Variants in SERPINE2 observed in about 807,000 individuals in gnomAD.
SERPINE2 encodes glia-derived nexin.
SERPINE2 carries 14 observed loss-of-function variants against 36.3 expected under a neutral mutation model. That is an observed-to-expected ratio of 0.39 (90% confidence interval 0.25 to 0.60). SERPINE2 has a LOEUF of 0.60. Ranked by LOEUF, SERPINE2 falls within the 20% of genes least tolerant of loss-of-function variation. SERPINE2 has a pLI of 0.57. For missense variants in SERPINE2, 418 were observed against 499.6 expected (o/e 0.84, Z 1.56); for synonymous variants, 192 against 191.8 (o/e 1.00, Z -0.01).
intron 1 of SERPINE2, among the ~76,000 whole-genome samples, chr2:224,029,834 G>T (rs1692299915): frequency 6.6e-6 from 1 of 152,198 alleles, no homozygotes; most frequent in Admixed American, 6.5e-5. Flanking sequence ...AAGTAGCTGG[G>T]ATTACGGGCG....
intron 1 of SERPINE2, among the ~76,000 whole-genome samples, chr2:224,004,133 G>A (rs1691299953): frequency 6.6e-6 from 1 of 152,156 alleles, no homozygotes; most frequent in Admixed American, 6.5e-5. Context: ...CATCACAACA[G>A]CGTTTATGGA....
intron 3 of SERPINE2, among the ~76,000 whole-genome samples, chr2:223,993,446 CTGTA>C (rs148133517): frequency 0.15 from 23,130 of 151,778 alleles, 2,253 homozygotes; most frequent in Non-Finnish European, 0.21. Flanking sequence ...GTGTGTGTGT[CTGTA>C]TGTATGTGTG....
chr2:224,022,917 T>C (rs547427939), intron 1 of SERPINE2, among the ~76,000 whole-genome samples: 2 of 152,342 alleles, frequency 1.3e-5, no homozygotes, highest in Admixed American at 6.5e-5. Flanking sequence ...GATGGTTTTA[T>C]AAGTGTCTGG....
At chr2:224,027,468 C>T (rs1692223810) in intron 1 of SERPINE2, among the ~76,000 whole-genome samples, 1 of 152,214 alleles carries the variant, frequency 6.6e-6, no homozygotes. Context: ...TCAGTCCACA[C>T]TGACCACTGC....
At chr2:224,037,810 T>TTTTG (rs1427220283) in intron 1 of SERPINE2, among the ~76,000 whole-genome samples, 1 of 152,220 alleles carries the variant, frequency 6.6e-6, no homozygotes, top group African/African-American at 2.4e-5. Flanking sequence ...ATAGATTCAT[T>TTTTG]TTTGTTTTTA....
intron 7 of SERPINE2, chr2:223,978,298 G>A (rs1690089631): frequency 6.6e-6 from 1 of 152,578 alleles, no homozygotes; most frequent in South Asian, 2.1e-4. Flanking sequence ...CAAAGTGCGG[G>A]CATTACAGGC....
intron 2 of SERPINE2, among the ~76,000 whole-genome samples, chr2:223,999,489 G>A (rs1397954545): frequency 6.6e-6 from 1 of 152,120 alleles, no homozygotes; most frequent in Non-Finnish European, 1.5e-5. Flanking sequence ...GGGGGAGGGG[G>A]GCAGTCTTCT....
At chr2:224,000,691 T>C (rs6742620) in intron 2 of SERPINE2, among the ~76,000 whole-genome samples, 67,148 of 151,712 alleles carry the variant, frequency 0.44, 17,921 homozygotes, top group African/African-American at 0.76. Flanking sequence ...CCCCTTGCCT[T>C]CCACCCCTCG....
At chr2:224,002,811 A>T (rs986412107) in intron 1 of SERPINE2, among the ~76,000 whole-genome samples, 1 of 151,928 alleles carries the variant, frequency 6.6e-6, no homozygotes, top group Non-Finnish European at 1.5e-5. Context: ...TTTAATTCTC[A>T]TAAGTGCCCT....
intron 1 of SERPINE2, among the ~76,000 whole-genome samples, chr2:224,022,240 G>T (rs1227988221): frequency 1.3e-5 from 2 of 150,856 alleles, no homozygotes; most frequent in Non-Finnish European, 2.9e-5. Context: ...GCTGAGGTGG[G>T]AGAATCACTT....
chr2:224,029,785 G>A (rs1408514299), intron 1 of SERPINE2, among the ~76,000 whole-genome samples: 2 of 152,178 alleles, frequency 1.3e-5, no homozygotes, highest in East Asian at 1.9e-4. Context: ...TGCAACTTCC[G>A]CCTCCGGGGT....
At chr2:223,991,607 G>T (rs62185746) in intron 4 of SERPINE2, among the ~76,000 whole-genome samples, 196 bp downstream of exon 4, 3,367 of 152,240 alleles carry the variant, frequency 0.022, 47 homozygotes, top group Non-Finnish European at 0.037. Flanking sequence ...TGCATATTAT[G>T]CTATGCATGG....
At chr2:223,992,149 C>T in intron 3 of SERPINE2, 149 bp from the exon 4 acceptor site, 1 of 661,170 alleles carries the variant, frequency 1.5e-6, no homozygotes, top group Non-Finnish European at 2.6e-6. Context: ...CCCTTTTGTA[C>T]TTTCTAGGTT....
intron 1 of SERPINE2, among the ~76,000 whole-genome samples, chr2:224,025,872 G>C (rs539946395): frequency 6.6e-6 from 1 of 152,342 alleles, no homozygotes; most frequent in East Asian, 1.9e-4. Context: ...TACTTTTAAA[G>C]TGACCTTCAA....
intron 4 of SERPINE2, among the ~76,000 whole-genome samples, chr2:223,986,132 AAAGATACC>A (rs1690420389): frequency 1.3e-5 from 2 of 152,328 alleles, no homozygotes; most frequent in South Asian, 4.1e-4. Context: ...AGATGAAGAG[AAAGATACC>A]AAGAGAGGGA....
intron 1 of SERPINE2, among the ~76,000 whole-genome samples, chr2:224,036,693 T>C (rs980070201): frequency 6.6e-6 from 1 of 150,644 alleles, no homozygotes; most frequent in African/African-American, 2.4e-5. Flanking sequence ...GCCTTGAACT[T>C]TGAGGAGACT....
chr2:224,027,121 A>C (rs1574849703), intron 1 of SERPINE2, among the ~76,000 whole-genome samples: 1 of 152,308 alleles, frequency 6.6e-6, no homozygotes, highest in South Asian at 2.1e-4. Context: ...TACCTCTGGC[A>C]CAAAGTAGTA....
At chr2:223,980,498 A>G in intron 6 of SERPINE2, 101 bp from the exon 7 acceptor site, 1 of 970,582 alleles carries the variant, frequency 1.0e-6, no homozygotes, top group Non-Finnish European at 1.6e-6. Flanking sequence ...GCAAATTCCA[A>G]TTTTTAAAGT....
At chr2:223,990,080 G>A (rs1391219184) in intron 4 of SERPINE2, among the ~76,000 whole-genome samples, 8 of 152,020 alleles carry the variant, frequency 5.3e-5, no homozygotes. Context: ...GCTGGCCCAT[G>A]ACTCTGTAAG....
Sources: gnomAD v4.1 joint callset for allele counts (sites outside exome capture counted in the v4.1 genomes callset) on GRCh38, gnomAD v4.1.1 for gene constraint, MANE v1.5 for transcripts, NCBI Gene and HGNC (gene_info 2026-07-23, HGNC 2026-07-21) for gene names.